Variants in RAB40C observed in about 807,000 individuals in gnomAD.
The protein encoded by RAB40C is RAB40C, member RAS oncogene family.
Under a neutral mutation model 28.1 loss-of-function variants are expected in RAB40C, and 8 were observed. The observed-to-expected ratio is 0.28, with a 90% confidence interval of 0.17 to 0.51. The LOEUF (loss-of-function observed/expected upper bound fraction) is 0.51, where lower values mean the gene tolerates loss of function less well. Ranked by LOEUF, RAB40C falls within the 20% of genes least tolerant of loss-of-function variation. RAB40C has a pLI of 0.97. For synonymous variants in RAB40C, 201 were observed against 171.7 expected (o/e 1.17, Z -1.34); for missense variants, 288 against 405.9 (o/e 0.71, Z 2.50).
At chr16:603,230 C>G (rs1052151886) in intron 1 of RAB40C, among the ~76,000 whole-genome samples, 2 of 152,204 alleles carry the variant, frequency 1.3e-5, no homozygotes, top group Admixed American at 6.5e-5. Context: ...TCGCAGGAAA[C>G]CAGTCCACAA....
At chr16:625,689 G>T in intron 4 of RAB40C, 180 bp downstream of exon 4, 1 of 839,980 alleles carries the variant, frequency 1.2e-6, no homozygotes, top group Non-Finnish European at 1.9e-6. Context: ...GTCGGGCGTG[G>T]AGCCCAGCAA....
chr16:619,240 G>A (rs954686252), intron 3 of RAB40C, among the ~76,000 whole-genome samples: 1 of 150,178 alleles, frequency 6.7e-6, no homozygotes, highest in African/African-American at 2.5e-5. Flanking sequence ...TCTGGCGGGG[G>A]CACTGGGGCC....
intron 1 of RAB40C, among the ~76,000 whole-genome samples, chr16:601,918 G>C (rs1308317421): frequency 6.6e-6 from 1 of 151,332 alleles, no homozygotes. Flanking sequence ...ACGAGGTCAG[G>C]AGATTGGGAC....
rs377428149 is a variant in RAB40C, at chr16:618,236, C to T, written c.240C>T (p.Phe80=). ...GCCAGGGCCGGTTCTGCACCATCTT[C>T]AGGTCCTACTCCAGGGGCGCTCAGG... ...TSGQGRFCTI[F]RSYSRGAQGI... is the part of the protein sequence containing the mutation. Residue 80 remains phenylalanine, a synonymous_variant, in exon 3 of 6, where the codon TTC becomes TTT. Coordinates refer to ENST00000248139, the MANE Select transcript of RAB40C (RefSeq NM_021168.5). 6.2e-7 allele frequency: 1 copy of T among 1,613,588 alleles called. No homozygotes were observed. Among genetic ancestry groups the T allele is most frequent in the Non-Finnish European group, 8.5e-7 (1 of 1,179,914 alleles).
In RAB40C at chr16:590,164, G is replaced by T; in HGVS notation, c.-128G>T. The T allele has an allele frequency of 1.8e-6, 1 of 561,600 alleles. No homozygotes were observed. Among genetic ancestry groups the T allele is most frequent in the Middle Eastern group, 8.6e-4 (1 of 1,160 alleles). 34.8% of individuals were successfully genotyped at this position (561,600 alleles called of 1,614,324 possible). On this transcript the variant is annotated 5_prime_UTR_variant, in exon 1 of 6. Transcript: ENST00000248139. ...GGGCGGGGCCGGCGCTGGGCTTCGG[G>T]CGCGCCCACTCGGCCGCCGTGGGGC...
At chr16:624,922 C>G in intron 3 of RAB40C, 1 of 1,285,874 alleles carries the variant, frequency 7.8e-7, no homozygotes, top group South Asian at 1.2e-5. Flanking sequence ...CAAAAAGTCC[C>G]CGTGGCAAAA....
intron 1 of RAB40C, among the ~76,000 whole-genome samples, chr16:608,681 C>T (rs1038019918): frequency 2.0e-5 from 3 of 152,144 alleles, no homozygotes; most frequent in African/African-American, 4.8e-5. Context: ...ACAAGCCTAG[C>T]CAACATGGTG....
At chr16:595,442 A>T (rs2036093653) in intron 1 of RAB40C, among the ~76,000 whole-genome samples, 1 of 151,872 alleles carries the variant, frequency 6.6e-6, no homozygotes, top group South Asian at 2.1e-4. Flanking sequence ...GGGCCTGGGG[A>T]CGGCTGCCAC....
intron 1 of RAB40C, among the ~76,000 whole-genome samples, chr16:601,764 C>T (rs1361336020): frequency 3.0e-5 from 4 of 134,174 alleles, no homozygotes; most frequent in Non-Finnish European, 4.6e-5. Context: ...CCCCTGAGGC[C>T]GGGGGTTCAG....
In RAB40C at chr16:594,823, T is replaced by TTC. The variant is rs201729155; in HGVS notation, c.142+4391_142+4392insCT. ...ATTAGGTTTTGCTCGTCTTCCTTTT[T>TTC]TTTTTTTTTTTTTTTAGACGAAGTC... is the stretch of plus-strand genomic sequence containing the variant. On this transcript the variant is annotated intron_variant, in intron 1 of 5. Transcript: ENST00000248139. Among the ~76,000 whole-genome samples the TTC allele has an allele frequency of 1.1e-3, 150 of 141,752 alleles. 1 individual carries two copies. Among genetic ancestry groups the TTC allele is most frequent in the African/African-American group, 3.2e-3 (124 of 38,266 alleles). 93.0% of individuals were successfully genotyped at this position (141,752 alleles called of 152,430 possible).
intron 3 of RAB40C, chr16:625,091 T>A: frequency 7.6e-7 from 1 of 1,309,192 alleles, no homozygotes; most frequent in Non-Finnish European, 1.0e-6. Flanking sequence ...GAGAGGACAC[T>A]TAGCTTCCAC....
chr16:618,749 G>A (rs1183901750), intron 3 of RAB40C, among the ~76,000 whole-genome samples: 4 of 149,226 alleles, frequency 2.7e-5, no homozygotes, highest in East Asian at 4.0e-4. Context: ...CAGGTCTGGC[G>A]GACGCACTGG....
At chr16:602,078 A>T (rs926606899) in intron 1 of RAB40C, among the ~76,000 whole-genome samples, 2 of 152,138 alleles carry the variant, frequency 1.3e-5, no homozygotes, top group African/African-American at 4.8e-5. Flanking sequence ...GTGAGCCGAG[A>T]TTGCACCACT....
intron 1 of RAB40C, among the ~76,000 whole-genome samples, chr16:595,096 A>G (rs1025668129): frequency 6.6e-6 from 1 of 152,080 alleles, no homozygotes; most frequent in African/African-American, 2.4e-5. Flanking sequence ...TTTCTGGGGC[A>G]GTGTTTTGGG....
intron 1 of RAB40C, among the ~76,000 whole-genome samples, chr16:614,226 G>C: frequency 6.7e-6 from 1 of 149,282 alleles, no homozygotes; most frequent in South Asian, 2.2e-4. Context: ...GCCGCATCCC[G>C]ATGGTGAACT....
chr16:615,891 G>GGTGGAGGTTGTA (rs1418328420), intron 1 of RAB40C, among the ~76,000 whole-genome samples: 1 of 152,086 alleles, frequency 6.6e-6, no homozygotes, highest in African/African-American at 2.4e-5. Flanking sequence ...GAACCCGGGA[G>GGTGGAGGTTGTA]GTGGAGGTTG....
At chr16:601,714 G>A (rs572760634) in intron 1 of RAB40C, among the ~76,000 whole-genome samples, 24 of 149,152 alleles carry the variant, frequency 1.6e-4, no homozygotes, top group South Asian at 4.2e-4. Flanking sequence ...GGTGGTGCAC[G>A]CCTATAATCC....
Position 590,306 on chromosome 16 carries a change from C to T in RAB40C, c.15C>T (p.Gly5=). 1.3e-6 allele frequency: 2 copies of T among 1,559,834 alleles called. No homozygotes were observed. Among genetic ancestry groups the T allele is most frequent in the African/African-American group, 1.4e-5 (1 of 70,586 alleles). The change falls in exon 1 of 6, where the codon GGC becomes GGT. Residue 5 remains glycine (G), a synonymous_variant. Transcript: ENST00000248139. MGSQ[G]SPVKSYDYLL... ...GCGGCGCGGCCATGGGCTCGCAGGG[C>T]AGTCCGGTGAAGAGCTACGACTACC...
chr16:591,939 A>G (rs1357365200), intron 1 of RAB40C, among the ~76,000 whole-genome samples: 3 of 152,200 alleles, frequency 2.0e-5, no homozygotes, highest in African/African-American at 4.8e-5. Context: ...AAAATACACT[A>G]GATAGGTGGC....
Sources: allele counts gnomAD v4.1 joint callset (sites outside exome capture counted in the v4.1 genomes callset), GRCh38; gene constraint gnomAD v4.1.1; transcripts MANE v1.5; gene names NCBI Gene and HGNC (gene_info 2026-07-23, HGNC 2026-07-21).